Variants in RIMS2 observed in about 807,000 individuals in gnomAD.
The protein encoded by RIMS2 is regulating synaptic membrane exocytosis 2.
RIMS2 carries 59 observed loss-of-function variants against 174.4 expected under a neutral mutation model. That is an observed-to-expected ratio of 0.34 (90% CI 0.27 to 0.42). The LOEUF is 0.42. RIMS2 is among the 10% of genes least tolerant of loss of function. The pLI, the probability that RIMS2 is intolerant of heterozygous loss-of-function variation, is 1.00. For synonymous variants in RIMS2, 606 were observed against 572.5 expected, an observed-to-expected ratio of 1.06 and a Z score of -0.84; for missense variants, 1,620 against 1,666.3, an observed-to-expected ratio of 0.97 and a Z score of 0.48.
At chr8:104,002,390 C>A (rs963389737) in intron 17 of RIMS2, among the ~76,000 whole-genome samples, 1 of 152,084 alleles carries the variant, frequency 6.6e-6, no homozygotes. Flanking sequence ...TAACAAAGTT[C>A]AAACCTGGAT....
Position 104,181,662 on chromosome 8 carries a change from T to A in RIMS2, c.3335-63254T>A, listed in dbSNP as rs1442529460. Among the ~76,000 whole-genome samples, 3 of 151,710 alleles carry A rather than the reference T, an allele frequency of 2.0e-5. No individual in the cohort carries two copies. The Admixed American group carries it at 2.0e-4, about 10-fold the overall frequency. On this transcript the variant is annotated intron_variant, in intron 19 of 23. Coordinates refer to ENST00000504942, the Ensembl canonical transcript of RIMS2. ...TTTTATTTTAGATAATTTTGTACTA[T>A]TGCTTTTGAACTCTAAGGGGAAAAG...
intron 19 of RIMS2, among the ~76,000 whole-genome samples, chr8:104,100,590 T>C (rs938140199): frequency 6.6e-6 from 1 of 151,942 alleles, no homozygotes; most frequent in South Asian, 2.1e-4. Flanking sequence ...CAAGCATTTT[T>C]GAGGATATTG....
At chr8:103,703,335 T>G (rs143613071) in intron 2 of RIMS2, among the ~76,000 whole-genome samples, 1 of 152,244 alleles carries the variant, frequency 6.6e-6, no homozygotes, top group East Asian at 1.9e-4. Context: ...CCTCGCAGAT[T>G]CACATGATTC....
chr8:103,533,386 T>C (rs923620886), intron 1 of RIMS2, among the ~76,000 whole-genome samples: 1 of 152,178 alleles, frequency 6.6e-6, no homozygotes, highest in Non-Finnish European at 1.5e-5. Flanking sequence ...TTATCAATAC[T>C]TTTCTGTTGT....
chr8:103,712,951 T>C (rs1448122339), intron 2 of RIMS2, among the ~76,000 whole-genome samples: 1 of 152,184 alleles, frequency 6.6e-6, no homozygotes, highest in Non-Finnish European at 1.5e-5. Flanking sequence ...TTTTAACTTA[T>C]TTTATGTAAA....
At chr8:104,090,916 T>C (rs542868080) in intron 19 of RIMS2, among the ~76,000 whole-genome samples, 2 of 151,962 alleles carry the variant, frequency 1.3e-5, no homozygotes, top group Admixed American at 6.6e-5. Flanking sequence ...CTAAAGATAT[T>C]CCTGAAATTT....
intron 2 of RIMS2, among the ~76,000 whole-genome samples, chr8:103,763,637 C>T (rs549035926): frequency 8.6e-5 from 13 of 151,792 alleles, no homozygotes; most frequent in Non-Finnish European, 1.5e-4. Context: ...TGTGCATAGC[C>T]CAGGCAATGT....
At chr8:103,620,913 A>G (rs2095619135) in intron 1 of RIMS2, among the ~76,000 whole-genome samples, 1 of 152,184 alleles carries the variant, frequency 6.6e-6, no homozygotes, top group Admixed American at 6.5e-5. Context: ...GAATAGGTGG[A>G]TAGAACAAAG....
At position 103,781,990 on chromosome 8, in the gene RIMS2, C is replaced by T. The variant is rs112089230; in HGVS notation, c.698+15453C>T. 5.1e-3 allele frequency among the ~76,000 whole-genome samples: 774 copies of T among 151,892 alleles called. 8 individuals carry two copies. The highest frequency in any genetic ancestry group is 0.018 in the African/African-American group (727 of 41,488). On this transcript the variant is annotated intron_variant, in intron 3 of 23. Transcript: ENST00000504942. ...ATTGAACTCCTGACCTCCGGTGATC[C>T]GCCCACCTCGGCCTCCCAAAGTGCT...
chr8:103,863,774 T>C (rs2099070526), intron 3 of RIMS2, among the ~76,000 whole-genome samples: 2 of 152,240 alleles, frequency 1.3e-5, no homozygotes, highest in African/African-American at 4.8e-5. Flanking sequence ...TTAGTATCAG[T>C]TGTAATGTCA....
chr8:104,156,116 A>G (rs1318432378), intron 19 of RIMS2, among the ~76,000 whole-genome samples: 1 of 152,230 alleles, frequency 6.6e-6, no homozygotes, highest in South Asian at 2.1e-4. Flanking sequence ...ACCTGCTGTA[A>G]TATATACAAA....
chr8:103,614,380 C>G (rs1186912073), intron 1 of RIMS2, among the ~76,000 whole-genome samples: 2 of 152,384 alleles, frequency 1.3e-5, no homozygotes, highest in East Asian at 3.9e-4. Context: ...AGTGCACAGA[C>G]TCTGTGCTGC....
chr8:103,575,005 C>A (rs536429632), intron 1 of RIMS2, among the ~76,000 whole-genome samples: 15 of 152,178 alleles, frequency 9.9e-5, no homozygotes, highest in African/African-American at 2.6e-4. Flanking sequence ...TTGGCAGAGC[C>A]ACAAGAATGT....
At chr8:103,780,837 T>G (rs1315466849) in intron 3 of RIMS2, among the ~76,000 whole-genome samples, 1 of 152,222 alleles carries the variant, frequency 6.6e-6, no homozygotes, top group Admixed American at 6.5e-5. Context: ...GGTTATTTAT[T>G]CCAATCTTCC....
chr8:103,500,903 G>T, exon 1 of RIMS2: 1 of 1,599,894 alleles, frequency 6.3e-7, no homozygotes, highest in Non-Finnish European at 8.5e-7. Context: ...GCTCCTGTCG[G>T]GCCCCGGGGC....
intron 1 of RIMS2, among the ~76,000 whole-genome samples, chr8:103,580,455 G>A (rs1563865688): frequency 6.6e-6 from 1 of 151,874 alleles, no homozygotes; most frequent in Non-Finnish European, 1.5e-5. Flanking sequence ...ATGTGTGTGT[G>A]TGTGTGTGTG....
At position 104,130,363 on chromosome 8, in the gene RIMS2, G is replaced by A. The variant is rs745547161; in HGVS notation, c.3335-114553G>A. Among the ~76,000 whole-genome samples, 8 of 152,142 alleles carry A rather than the reference G, an allele frequency of 5.3e-5. No individual in the cohort carries two copies. In the East Asian group the frequency reaches 9.6e-4, roughly 18 times the overall value. ...GCCCAGATTCCAGCTACAATTTGAC[G>A]CCACCTGGTGGCAGTTTTCTACTCT... is the stretch of plus-strand genomic sequence containing the variant. On this transcript the variant is annotated intron_variant, in intron 19 of 23. Coordinates refer to ENST00000504942, the Ensembl canonical transcript of RIMS2.
chr8:103,553,586 T>C (rs1849050047), intron 1 of RIMS2, among the ~76,000 whole-genome samples: 1 of 152,036 alleles, frequency 6.6e-6, no homozygotes, highest in South Asian at 2.1e-4. Flanking sequence ...CCTTAGAACT[T>C]AAAGTATAAT....
At chr8:104,187,156 G>C (rs1242081113) in intron 19 of RIMS2, among the ~76,000 whole-genome samples, 1 of 151,758 alleles carries the variant, frequency 6.6e-6, no homozygotes, top group African/African-American at 2.4e-5. Context: ...CTATGCAAAA[G>C]TCATTGTATG....
Sources: gnomAD v4.1 joint callset for allele counts (sites outside exome capture counted in the v4.1 genomes callset) on GRCh38, gnomAD v4.1.1 for gene constraint, MANE v1.5 for transcripts, NCBI Gene and HGNC (gene_info 2026-07-23, HGNC 2026-07-21) for gene names.